SUPT3H: variants seen among roughly 807,000 people sequenced by gnomAD.
SUPT3H encodes transcription initiation protein SPT3 homolog.
Under a neutral mutation model 44.3 loss-of-function variants are expected in SUPT3H, and 44 were observed. That is an observed-to-expected ratio of 0.99 (90% confidence interval 0.78 to 1.28). The LOEUF (loss-of-function observed/expected upper bound fraction) is 1.28, where lower values mean the gene tolerates loss of function less well. Among genes scored for constraint, SUPT3H ranks in the 50% most tolerant of loss-of-function variants. The pLI, the probability that SUPT3H is intolerant of heterozygous loss-of-function variation, is 0.00. For missense variants in SUPT3H, 380 were observed against 387.1 expected (o/e 0.98, Z 0.15); for synonymous variants, 124 against 125.6 (o/e 0.99, Z 0.09).
chr6:44,901,175 AT>A (rs1212843198), intron 10 of SUPT3H, among the ~76,000 whole-genome samples: 3 of 152,246 alleles, frequency 2.0e-5, no homozygotes, highest in Non-Finnish European at 2.9e-5. Context: ...TGGATGGAGA[AT>A]GACTTTGACA....
chr6:45,077,787 A>T (rs1795223528), intron 3 of SUPT3H, among the ~76,000 whole-genome samples: 2 of 152,098 alleles, frequency 1.3e-5, no homozygotes, highest in Non-Finnish European at 2.9e-5. Flanking sequence ...TCAAAATGAC[A>T]AATAGCCCAC....
chr6:44,977,568 T>G (rs1422629361), intron 6 of SUPT3H, among the ~76,000 whole-genome samples: 1 of 152,196 alleles, frequency 6.6e-6, no homozygotes, highest in African/African-American at 2.4e-5. Flanking sequence ...ATGCATCTTA[T>G]CTGATCTCAC....
Position 45,328,579 on chromosome 6 carries a change from A to AT in SUPT3H, c.101+36621_101+36622insA, listed in dbSNP as rs1786815080. 5.1e-6 allele frequency: 8 copies of AT among 1,581,740 alleles called. No homozygotes were observed. In the East Asian group the frequency reaches 1.6e-4, roughly 31 times the overall value. On this transcript the variant is annotated intron_variant, in intron 2 of 10. Coordinates refer to ENST00000371459, the MANE Select transcript of SUPT3H (RefSeq NM_003599.4). ...GTTACCAGCTACATAATTTCTTGAC[A>AT]GAAAAAAATAAATATAAAGTCTATG... is the stretch of plus-strand genomic sequence containing the variant.
intron 2 of SUPT3H, among the ~76,000 whole-genome samples, chr6:45,237,818 A>G (rs982512984): frequency 2.6e-5 from 4 of 152,196 alleles, no homozygotes; most frequent in African/African-American, 7.2e-5. Flanking sequence ...TTAAGAAAAA[A>G]TCAGGTAAAT....
At chr6:44,855,224 T>C (rs1773532170) in intron 10 of SUPT3H, among the ~76,000 whole-genome samples, 2 of 152,186 alleles carry the variant, frequency 1.3e-5, no homozygotes, top group African/African-American at 4.8e-5. Context: ...TGCTTTGCTG[T>C]GGATCAGGGA....
chr6:44,898,921 T>TA (rs1429117128), intron 10 of SUPT3H: 3 of 152,220 alleles, frequency 2.0e-5, no homozygotes, highest in Non-Finnish European at 4.4e-5. Context: ...CAGTTTTTTT[T>TA]ATCAACAGAA....
Position 44,881,482 on chromosome 6 carries a change from G to A in SUPT3H, c.912+51171C>T, listed in dbSNP as rs538244479. Among the ~76,000 whole-genome samples, 330 of 152,266 alleles carry A rather than the reference G, an allele frequency of 2.2e-3. 1 individual carries two copies. The highest frequency in any genetic ancestry group is 7.6e-3 in the African/African-American group (316 of 41,550). On this transcript the variant is annotated intron_variant, in intron 10 of 10. Coordinates refer to ENST00000371459, the MANE Select transcript of SUPT3H (RefSeq NM_003599.4). ...CTGTCAATATTAGACAGATCAACAA[G>A]ACAGAAAATTAACAAGGCTATTCAG...
intron 6 of SUPT3H, 140 bp downstream of exon 6, chr6:45,003,513 C>A: frequency 1.1e-6 from 1 of 930,248 alleles, no homozygotes. Context: ...GGCTGATCCT[C>A]TGCACATCGC....
At chr6:45,019,121 T>C (rs1036133184) in intron 4 of SUPT3H, among the ~76,000 whole-genome samples, 1 of 152,204 alleles carries the variant, frequency 6.6e-6, no homozygotes, top group Non-Finnish European at 1.5e-5. Context: ...CTAGATTTTC[T>C]AGTTTATTTG....
chr6:44,881,274 A>C (rs955661445), intron 10 of SUPT3H, among the ~76,000 whole-genome samples: 3 of 152,250 alleles, frequency 2.0e-5, no homozygotes, highest in African/African-American at 7.2e-5. Context: ...ACTAACAAAG[A>C]TCAAAAGAGA....
intron 2 of SUPT3H, among the ~76,000 whole-genome samples, chr6:45,189,109 C>T (rs1814732622): frequency 6.6e-6 from 1 of 151,884 alleles, no homozygotes; most frequent in Admixed American, 6.6e-5. Context: ...ACCCACTGGC[C>T]ATTTCTTAGA....
intron 2 of SUPT3H, among the ~76,000 whole-genome samples, chr6:45,238,848 C>A (rs1769725173): frequency 6.6e-6 from 1 of 152,186 alleles, no homozygotes; most frequent in Admixed American, 6.5e-5. Flanking sequence ...TCTTACTTGG[C>A]AAACCCATTT....
intron 2 of SUPT3H, among the ~76,000 whole-genome samples, chr6:45,128,533 A>AAAAAAT (rs1554257896): frequency 2.5e-4 from 13 of 52,208 alleles, no homozygotes; most frequent in Admixed American, 7.3e-4. Context: ...AAAAAAAAAA[A>AAAAAAT]ATATATATAT....
chr6:45,290,318 A>C (rs1780104519), intron 2 of SUPT3H, among the ~76,000 whole-genome samples: 1 of 152,200 alleles, frequency 6.6e-6, no homozygotes, highest in African/African-American at 2.4e-5. Flanking sequence ...TTAACATATA[A>C]CTACCTTGGA....
chr6:45,200,220 A>G (rs901895089), intron 2 of SUPT3H, among the ~76,000 whole-genome samples: 2 of 151,578 alleles, frequency 1.3e-5, no homozygotes, highest in Admixed American at 1.3e-4. Context: ...AATGTTTAAT[A>G]AAATCCTAAA....
chr6:45,347,868 G>T (rs968837995), intron 2 of SUPT3H, among the ~76,000 whole-genome samples: 4 of 151,828 alleles, frequency 2.6e-5, no homozygotes, highest in African/African-American at 9.7e-5. Flanking sequence ...AATACTACAT[G>T]CCTACTGAAA....
At chr6:45,226,745 G>T (rs569165889) in intron 2 of SUPT3H, among the ~76,000 whole-genome samples, 10 of 152,142 alleles carry the variant, frequency 6.6e-5, no homozygotes, top group African/African-American at 2.4e-4. Flanking sequence ...TAGTAAGGCT[G>T]GTCTCGAACT....
intron 2 of SUPT3H, among the ~76,000 whole-genome samples, chr6:45,273,242 T>C (rs937058304): frequency 5.9e-5 from 9 of 152,320 alleles, no homozygotes; most frequent in South Asian, 2.1e-4. Context: ...AAGATACATT[T>C]TTTCCTTGAA....
chr6:44,907,178 G>C (rs896145531), intron 10 of SUPT3H, among the ~76,000 whole-genome samples: 1 of 152,198 alleles, frequency 6.6e-6, no homozygotes, highest in African/African-American at 2.4e-5. Context: ...GCAGAGATTA[G>C]ACAGTGGTAT....
Sources: gnomAD v4.1 joint callset for allele counts (sites outside exome capture counted in the v4.1 genomes callset) on GRCh38, gnomAD v4.1.1 for gene constraint, MANE v1.5 for transcripts, NCBI Gene and HGNC (gene_info 2026-07-23, HGNC 2026-07-21) for gene names.